The following FAM83A variants were observed in gnomAD, a reference collection of about 807,000 sequenced individuals.
FAM83A encodes protein FAM83A.
In FAM83A, 21 loss-of-function variants were observed where a neutral mutation model predicts 24.4. That is an observed-to-expected ratio of 0.86 (90% CI 0.61 to 1.24). FAM83A has a LOEUF of 1.24. FAM83A is among the 50% of genes most tolerant of loss of function. The pLI, the probability that FAM83A is intolerant of heterozygous loss-of-function variation, is 0.00. For missense variants in FAM83A, 617 were observed against 579.8 expected (o/e 1.06, Z -0.66); for synonymous variants, 270 against 252.4 (o/e 1.07, Z -0.66).
In FAM83A at chr8:123,194,874, G is replaced by A. The variant is rs535175168; in HGVS notation, c.773+726G>A. Among the ~76,000 whole-genome samples, 10 of 152,258 alleles carry A rather than the reference G, an allele frequency of 6.6e-5. No homozygotes were observed. The South Asian group carries it at 2.1e-3, about 32-fold the overall frequency. ...TGGGATTACAGGCATGAGCCCCTGC[G>A]CCCAGCCTCAATTTGTGTTTAGACC... On this transcript the variant is annotated intron_variant, in intron 3 of 3. Coordinates refer to ENST00000690554, the Ensembl canonical transcript of FAM83A.
Position 123,209,637 on chromosome 8 carries a change from T to A in FAM83A, c.*1949T>A. On this transcript the variant is annotated 3_prime_UTR_variant, in exon 4 of 4. Transcript: ENST00000690554. The surrounding 1 kb of genome is among the most constrained non-coding windows in gnomAD (Gnocchi z 4.7). ...GCAAAGCTTGCCAGGTCACAGAAGC[T>A]CCCAAGCCCAGCTTTCCAAAGGCCT... 1 of 1,435,634 alleles carries A rather than the reference T, an allele frequency of 7.0e-7. No individual in the cohort carries two copies. The highest frequency in any genetic ancestry group is 1.4e-5 in the African/African-American group (1 of 70,694). The allele number at this position is 1,435,634 out of a possible 1,614,324, so 88.9% of individuals were successfully genotyped here.
chr8:123,208,000 A>C, exon 4 of FAM83A: 9 of 1,152,166 alleles, frequency 7.8e-6, no homozygotes, highest in Admixed American at 4.6e-5. Flanking sequence ...TTTAATATTA[A>C]TGGCCCCCAA....
chr8:123,209,544 T>G lies in FAM83A; in HGVS notation c.*1856T>G. ...TCACAGCTGACGGCTGAGATGAGGT[T>G]AGAATGACTGGGCCCGGCTGAACAT... On this transcript the variant is annotated 3_prime_UTR_variant, in exon 4 of 4. Transcript: ENST00000690554. The surrounding 1 kb of genome is among the most constrained non-coding windows in gnomAD (Gnocchi z 4.7). The G allele has an allele frequency of 3.7e-6, 6 of 1,614,158 alleles. No individual in the cohort carries two copies. The highest frequency in any genetic ancestry group is 5.1e-6 in the Non-Finnish European group (6 of 1,180,002).
exon 1 of FAM83A, chr8:123,183,194 G>A: frequency 1.2e-6 from 2 of 1,613,588 alleles, no homozygotes; most frequent in Non-Finnish European, 8.5e-7. Context: ...TCAGAGGGCA[G>A]CGAGCCGGCC....
chr8:123,184,985 G>A (rs1823742802), intron 1 of FAM83A, among the ~76,000 whole-genome samples: 1 of 152,198 alleles, frequency 6.6e-6, no homozygotes, highest in South Asian at 2.1e-4. Context: ...GGCCATGTGT[G>A]GAGGAGGAGG....
At chr8:123,179,192 T>A (rs1823536919), upstream of FAM83A, 1 of 152,172 alleles carries the variant, frequency 6.6e-6, no homozygotes, top group Non-Finnish European at 1.5e-5. Flanking sequence ...CTAAAGTTCA[T>A]GTGTTGGAAG....
chr8:123,209,726 C>G lies in FAM83A; in HGVS notation c.*2038C>G, dbSNP rs1824673849. Reference sequence around the variant, plus strand: ...GGGAGAACCTGCAGGCAGGAACAAGCCCCCCTACTCCTGACCACCCTCCAT... The same window carrying G: ...GGGAGAACCTGCAGGCAGGAACAAGGCCCCCTACTCCTGACCACCCTCCAT... On this transcript the variant is annotated 3_prime_UTR_variant, in exon 4 of 4. Coordinates refer to ENST00000690554, the Ensembl canonical transcript of FAM83A. This position sits in a 1 kb window ranked among gnomAD's most constrained non-coding sequence, Gnocchi z 4.7. 1 of 651,008 alleles carries G rather than the reference C, an allele frequency of 1.5e-6. No individual in the cohort carries two copies. Among genetic ancestry groups the G allele is most frequent in the Admixed American group, 2.8e-5 (1 of 35,384 alleles). The allele number at this position is 651,008 out of a possible 1,614,324, so 40.3% of individuals were successfully genotyped here. A position where few individuals can be genotyped will look rare whatever the true frequency, so the allele number is the denominator to read the frequency against.
intron 1 of FAM83A, among the ~76,000 whole-genome samples, chr8:123,184,283 T>G (rs1013073127): frequency 1.3e-4 from 19 of 151,978 alleles, no homozygotes; most frequent in African/African-American, 4.6e-4. Flanking sequence ...CCCCAGGCTG[T>G]GTTAGGTGCC....
In FAM83A at chr8:123,191,812, A is replaced by G. The variant is rs1823984165; in HGVS notation, c.490A>G (p.Ile164Val). Reference sequence around the variant, plus strand: ...CTCTGCCCTGGCCCAGGTCCTGGTCATCCTGATGGATGTGTTCACGGATGT... The same window carrying G: ...CTCTGCCCTGGCCCAGGTCCTGGTCGTCCTGATGGATGTGTTCACGGATGT... Residue 164 changes from isoleucine (I) to valine (V), a missense_variant, in exon 2 of 4, where the codon ATC becomes GTC. By Grantham distance (29) the Ile-to-Val change is conservative. Coordinates refer to ENST00000690554, the Ensembl canonical transcript of FAM83A. The G allele has an allele frequency of 6.2e-7, 1 of 1,613,852 alleles. No homozygotes were observed. The highest frequency in any genetic ancestry group is 8.5e-7 in the Non-Finnish European group (1 of 1,180,008).
chr8:123,195,582 G>T (rs981306360), intron 3 of FAM83A, among the ~76,000 whole-genome samples: 1 of 152,146 alleles, frequency 6.6e-6, no homozygotes, highest in Non-Finnish European at 1.5e-5. Context: ...CCATAGACTG[G>T]GTAGCTTATA....
chr8:123,193,250 C>T (rs1824040778), intron 2 of FAM83A, among the ~76,000 whole-genome samples: 1 of 152,238 alleles, frequency 6.6e-6, no homozygotes, highest in Non-Finnish European at 1.5e-5. Context: ...AAAACCACCT[C>T]CTCTGGCTGC....
chr8:123,193,513 A>G (rs1428483631), intron 2 of FAM83A, among the ~76,000 whole-genome samples: 2 of 152,202 alleles, frequency 1.3e-5, no homozygotes, highest in African/African-American at 4.8e-5. Context: ...CAGCCCAGGG[A>G]AAATATTAAT....
At chr8:123,185,730 G>C (rs952592576) in intron 1 of FAM83A, among the ~76,000 whole-genome samples, 1 of 152,224 alleles carries the variant, frequency 6.6e-6, no homozygotes, top group African/African-American at 2.4e-5. Context: ...ATAATTAATT[G>C]GTTATAATTA....
chr8:123,188,603 C>A (rs1220967139), intron 1 of FAM83A, among the ~76,000 whole-genome samples: 1 of 152,034 alleles, frequency 6.6e-6, no homozygotes, highest in Non-Finnish European at 1.5e-5. Flanking sequence ...CCTGCCCCAG[C>A]CTCCCAAGTA....
In FAM83A at chr8:123,191,612, G is replaced by A. The variant is rs878885172; in HGVS notation, c.481-191G>A. 3.3e-5 allele frequency among the ~76,000 whole-genome samples: 5 copies of A among 152,068 alleles called. No homozygotes were observed. In the South Asian group the frequency reaches 8.3e-4, roughly 25 times the overall value. On this transcript the variant is annotated intron_variant, in intron 1 of 3. Coordinates refer to ENST00000690554, the Ensembl canonical transcript of FAM83A. ...AGAGATGGTATCAGGACAGGCGCAGGGGCCTCCACTCCAGCTCTTCCTTTT... is the reference window on the plus strand; with the variant it reads ...AGAGATGGTATCAGGACAGGCGCAGAGGCCTCCACTCCAGCTCTTCCTTTT...
intron 1 of FAM83A, among the ~76,000 whole-genome samples, chr8:123,184,203 T>C (rs530593669): frequency 1.3e-5 from 2 of 152,118 alleles, no homozygotes; most frequent in East Asian, 1.9e-4. Context: ...TGCTTTTCAT[T>C]TGATACACAC....
intron 2 of FAM83A, among the ~76,000 whole-genome samples, chr8:123,193,750 C>T (rs1824054226): frequency 6.6e-6 from 1 of 152,212 alleles, no homozygotes; most frequent in African/African-American, 2.4e-5. Context: ...CACTTCCTGG[C>T]TTATAAATGG....
At chr8:123,206,628 A>T (rs1414933359) in intron 3 of FAM83A, among the ~76,000 whole-genome samples, 15 of 152,154 alleles carry the variant, frequency 9.9e-5, no homozygotes. Context: ...AAGGGGCTGC[A>T]ATCTGAGCAC....
chr8:123,181,001 T>C (rs1823584787), upstream of FAM83A, among the ~76,000 whole-genome samples: 1 of 152,182 alleles, frequency 6.6e-6, no homozygotes, highest in Non-Finnish European at 1.5e-5. Context: ...TACAGTGCAA[T>C]GGTGCGATCT....
Sources: allele counts gnomAD v4.1 joint callset (sites outside exome capture counted in the v4.1 genomes callset), GRCh38; gene constraint gnomAD v4.1.1; non-coding constraint Gnocchi (gnomAD v3.1); transcripts MANE v1.5; gene names NCBI Gene and HGNC (gene_info 2026-07-23, HGNC 2026-07-21).